The following SDK1 variants were observed in gnomAD, a reference collection of about 807,000 sequenced individuals.
SDK1 encodes protein sidekick-1.
In SDK1, 157 loss-of-function variants were observed where a neutral mutation model predicts 245.5. The observed-to-expected ratio is 0.64, with a 90% CI of 0.56 to 0.73. The LOEUF is 0.73. Ranked by LOEUF, SDK1 falls within the 30% of genes least tolerant of loss-of-function variation. The pLI, the probability that SDK1 is intolerant of heterozygous loss-of-function variation, is 0.00. For synonymous variants in SDK1, 1,647 were observed against 1,278.5 expected (o/e 1.29, Z -6.15); for missense variants, 3,583 against 3,002.3 (o/e 1.19, Z -4.52).
chr7:4,149,704 G>T (rs74484887), intron 30 of SDK1, among the ~76,000 whole-genome samples: 2,094 of 152,274 alleles, frequency 0.014, 49 homozygotes, highest in African/African-American at 0.048. Context: ...TGCAGGGCTG[G>T]TTTGGTCACC....
At chr7:4,210,187 G>A (rs772363604) in intron 38 of SDK1, 25 bp downstream of exon 38, 4 of 1,514,774 alleles carry the variant, frequency 2.6e-6, no homozygotes, top group Non-Finnish European at 3.5e-6. Context: ...TGGGGAGATG[G>A]GAGCGCGGGC....
At chr7:3,504,174 A>ATGTGTGTG (rs1392132133) in intron 1 of SDK1, among the ~76,000 whole-genome samples, 61 of 62,026 alleles carry the variant, frequency 9.8e-4, no homozygotes, top group African/African-American at 3.4e-3. Context: ...AAAATTATAT[A>ATGTGTGTG]TATATATATG....
chr7:3,949,759 C>G (rs558188694), intron 5 of SDK1, among the ~76,000 whole-genome samples: 1 of 151,878 alleles, frequency 6.6e-6, no homozygotes, highest in Non-Finnish European at 1.5e-5. Flanking sequence ...TTTTTTTCTC[C>G]CTTGTCACCA....
chr7:3,874,783 A>G (rs1165002981), intron 5 of SDK1, among the ~76,000 whole-genome samples: 2 of 152,200 alleles, frequency 1.3e-5, no homozygotes, highest in Admixed American at 6.5e-5. Flanking sequence ...GTAAGATTCT[A>G]GCAGTGCCTT....
intron 1 of SDK1, among the ~76,000 whole-genome samples, chr7:3,505,403 C>G (rs778148399): frequency 1.3e-5 from 2 of 152,074 alleles, no homozygotes; most frequent in South Asian, 4.1e-4. Flanking sequence ...AGGTGCATGC[C>G]ACATCTGGCC....
At chr7:4,261,419 G>A (rs985724369) in intron 44 of SDK1, among the ~76,000 whole-genome samples, 3 of 149,750 alleles carry the variant, frequency 2.0e-5, no homozygotes, top group South Asian at 2.2e-4. Flanking sequence ...CTGCAAGGAC[G>A]CAGCTCACAC....
intron 4 of SDK1, among the ~76,000 whole-genome samples, chr7:3,739,999 A>T (rs1332581462): frequency 3.3e-5 from 5 of 152,216 alleles, no homozygotes; most frequent in African/African-American, 1.2e-4. Flanking sequence ...TAGCCTCTGA[A>T]GTCTCTTGTC....
In SDK1 at chr7:3,951,870, C is replaced by T. The variant is rs117824452; in HGVS notation, c.1100C>T (p.Pro367Leu). The T allele has an allele frequency of 4.6e-3, 7,485 of 1,613,656 alleles. 107 individuals carry two copies. The highest frequency in any genetic ancestry group is 0.035 in the South Asian group (3,194 of 91,082). ...TGPYVCEAAL[P>L]GSAFEPARAT... ...CCATACGTCTGCGAGGCGGCGCTGCCGGGGAGCGCTTTTGAACCGGCCAGG... is the reference window on the plus strand; with the variant it reads ...CCATACGTCTGCGAGGCGGCGCTGCTGGGGAGCGCTTTTGAACCGGCCAGG... The change falls in exon 7 of 45, where the codon CCG becomes CTG. Residue 367 changes from proline to leucine, a missense_variant. Physicochemically the swap from Pro to Leu is moderately conservative, Grantham distance 98. Transcript: ENST00000404826.
intron 22 of SDK1, among the ~76,000 whole-genome samples, chr7:4,094,275 T>G (rs1444758568): frequency 2.0e-5 from 3 of 152,190 alleles, no homozygotes; most frequent in Non-Finnish European, 4.4e-5. Flanking sequence ...TTGTCCAGGC[T>G]GGTCTCAAAC....
intron 2 of SDK1, among the ~76,000 whole-genome samples, chr7:3,637,051 TGC>T (rs1468272973): frequency 8.9e-6 from 1 of 112,952 alleles, no homozygotes; most frequent in African/African-American, 3.7e-5. Flanking sequence ...TTTTTCCTGA[TGC>T]AGAGAGAGAG....
At chr7:3,618,823 A>C (rs1474176393) in intron 1 of SDK1, among the ~76,000 whole-genome samples, 1 of 152,244 alleles carries the variant, frequency 6.6e-6, no homozygotes, top group Non-Finnish European at 1.5e-5. Flanking sequence ...ATTAACCATA[A>C]GTGGAAATAA....
At chr7:4,110,572 C>A in intron 22 of SDK1, 91 bp from the exon 23 acceptor site, 1 of 905,756 alleles carries the variant, frequency 1.1e-6, no homozygotes, top group South Asian at 1.4e-5. Flanking sequence ...CCCTGCCCAG[C>A]TCACCAGGTA....
At chr7:4,080,914 A>C (rs911992339) in intron 22 of SDK1, among the ~76,000 whole-genome samples, 8 of 152,230 alleles carry the variant, frequency 5.3e-5, no homozygotes, top group African/African-American at 1.7e-4. Context: ...GCAAATGAAG[A>C]CTAAATTGAT....
At chr7:4,021,037 G>T (rs544864370) in intron 17 of SDK1, among the ~76,000 whole-genome samples, 1 of 152,276 alleles carries the variant, frequency 6.6e-6, no homozygotes, top group South Asian at 2.1e-4. Context: ...AGATCTGGGG[G>T]TCATCTCCCT....
intron 5 of SDK1, among the ~76,000 whole-genome samples, chr7:3,849,280 C>G (rs1035098963): frequency 3.3e-5 from 5 of 152,164 alleles, no homozygotes; most frequent in African/African-American, 9.7e-5. Context: ...GGCTCATTCA[C>G]TCTTTATCTT....
At chr7:4,041,367 C>T (rs1381210266) in intron 17 of SDK1, among the ~76,000 whole-genome samples, 3 of 151,102 alleles carry the variant, frequency 2.0e-5, no homozygotes, top group Non-Finnish European at 2.9e-5. Context: ...ATACTCTCTG[C>T]CCAACATGTA....
intron 27 of SDK1, among the ~76,000 whole-genome samples, 182 bp from the exon 28 acceptor site, chr7:4,132,143 G>T (rs1432262154): frequency 6.6e-6 from 1 of 152,124 alleles, no homozygotes. Flanking sequence ...GATCCTTAGG[G>T]AGCCACACTA....
At chr7:3,514,363 A>G (rs1782671631) in intron 1 of SDK1, among the ~76,000 whole-genome samples, 1 of 152,242 alleles carries the variant, frequency 6.6e-6, no homozygotes. Flanking sequence ...AAAACACCCA[A>G]ATATATCTGT....
chr7:3,713,125 G>A (rs940558900), intron 4 of SDK1, among the ~76,000 whole-genome samples: 1 of 152,204 alleles, frequency 6.6e-6, no homozygotes, highest in East Asian at 1.9e-4. Context: ...CAGGCTGAAG[G>A]CACCAGGAAC....
Sources: gnomAD v4.1 joint callset for allele counts (sites outside exome capture counted in the v4.1 genomes callset) on GRCh38, gnomAD v4.1.1 for gene constraint, MANE v1.5 for transcripts, NCBI Gene and HGNC (gene_info 2026-07-23, HGNC 2026-07-21) for gene names.